Variants in SEL1L3 observed in about 807,000 individuals in gnomAD.
SEL1L3 encodes SEL1L family member 3.
A neutral mutation model predicts 142.8 loss-of-function variants in SEL1L3; 76 were observed. The ratio of observed to expected loss-of-function variants is 0.53; its 90% CI spans 0.44 to 0.64. The LOEUF (loss-of-function observed/expected upper bound fraction) is 0.64, where lower values mean the gene tolerates loss of function less well. Among genes scored for constraint, SEL1L3 ranks in the 30% least tolerant of loss-of-function variants. The pLI, the probability that SEL1L3 is intolerant of heterozygous loss-of-function variation, is 0.00. For synonymous variants in SEL1L3, 504 were observed against 519.6 expected (o/e 0.97, Z 0.41); for missense variants, 1,262 against 1,381.7 (o/e 0.91, Z 1.37).
At chr4:25,726,025 G>A in the SEL1L3 span, among the ~76,000 whole-genome samples, 16 of 152,030 alleles carry the variant, frequency 1.1e-4, no homozygotes, top group African/African-American at 2.4e-4. Context: ...AACATCCTAC[G>A]GATGCAGCCC....
intron 15 of SEL1L3, among the ~76,000 whole-genome samples, chr4:25,781,204 T>C (rs561873954): frequency 6.6e-6 from 1 of 152,216 alleles, no homozygotes; most frequent in African/African-American, 2.4e-5. Context: ...TCCTATTATA[T>C]ATTTATTTGT....
the SEL1L3 span, among the ~76,000 whole-genome samples, chr4:25,716,094 G>A: frequency 2.6e-5 from 4 of 152,054 alleles, no homozygotes; most frequent in African/African-American, 9.7e-5. Flanking sequence ...GGTATCATAA[G>A]AGGTTAAAAG....
Position 25,756,960 on chromosome 4 carries a change from C to T in SEL1L3, c.3259+574G>A, listed in dbSNP as rs551004369. The T allele has an allele frequency of 1.3e-4, 163 of 1,227,156 alleles. No individual in the cohort carries two copies. In the African/African-American group the frequency reaches 2.3e-3, roughly 17 times the overall value. 76.0% of individuals were successfully genotyped at this position (1,227,156 alleles called of 1,614,324 possible). The stretch of plus-strand genomic sequence containing the variant: ...AATTGTATTAGGTCAGTTTCTTAGG[C>T]TTTTTAAAGAAAGTCCTTATTTTGA... On this transcript the variant is annotated intron_variant, in intron 23 of 23. Transcript: ENST00000399878.
intron 6 of SEL1L3, among the ~76,000 whole-genome samples, 158 bp from the exon 7 acceptor site, chr4:25,822,286 C>T (rs955661621): frequency 1.3e-4 from 20 of 152,152 alleles, no homozygotes; most frequent in African/African-American, 4.6e-4. Context: ...AGGTGGACTT[C>T]GGCTAGGATC....
intron 12 of SEL1L3, among the ~76,000 whole-genome samples, chr4:25,789,882 G>A (rs986074086): frequency 6.6e-6 from 1 of 152,116 alleles, no homozygotes; most frequent in African/African-American, 2.4e-5. Flanking sequence ...GCCCTTTCTC[G>A]TACCTCTTAA....
At position 25,757,669 on chromosome 4, in the gene SEL1L3, G is replaced by A. The variant is rs780160589; in HGVS notation, c.3186+19C>T. On this transcript the variant is annotated intron_variant, in intron 22 of 23. Transcript: ENST00000399878. ...GGGCAGGGGCCACAAGGGTGGGGCCGGTGGGACATGAAACCTACCAGGGCT... is the reference window on the plus strand; with the variant it reads ...GGGCAGGGGCCACAAGGGTGGGGCCAGTGGGACATGAAACCTACCAGGGCT... 24 of 1,571,544 alleles carry A rather than the reference G, an allele frequency of 1.5e-5. No individual in the cohort carries two copies. Among genetic ancestry groups the A allele is most frequent in the East Asian group, 9.4e-5 (4 of 42,556 alleles).
intron 17 of SEL1L3, chr4:25,773,463 A>T (rs1348970724): frequency 6.6e-6 from 1 of 152,130 alleles, no homozygotes; most frequent in Non-Finnish European, 1.5e-5. Context: ...CATATCAATG[A>T]TTACATGATA....
chr4:25,761,008 A>G (rs1404725807), intron 20 of SEL1L3, among the ~76,000 whole-genome samples: 3 of 152,152 alleles, frequency 2.0e-5, no homozygotes, highest in African/African-American at 4.8e-5. Flanking sequence ...AGAGTCTCAA[A>G]TCTTAAACTC....
intron 13 of SEL1L3, among the ~76,000 whole-genome samples, chr4:25,787,919 T>C (rs961027973): frequency 6.6e-6 from 1 of 152,234 alleles, no homozygotes; most frequent in Non-Finnish European, 1.5e-5. Flanking sequence ...AAACTTGCAG[T>C]GCCTGTGGGG....
At chr4:25,749,682 C>G (rs1011975298) in intron 23 of SEL1L3, among the ~76,000 whole-genome samples, 1 of 152,136 alleles carries the variant, frequency 6.6e-6, no homozygotes, top group African/African-American at 2.4e-5. Flanking sequence ...AGAGTATATT[C>G]CAGAGCCAAA....
At chr4:25,815,076 G>A (rs902605090) in intron 9 of SEL1L3, among the ~76,000 whole-genome samples, 6 of 152,180 alleles carry the variant, frequency 3.9e-5, no homozygotes, top group African/African-American at 1.4e-4. Flanking sequence ...CCTAGGCCAG[G>A]GAAAGGCAGG....
chr4:25,784,264 C>T lies in SEL1L3; in HGVS notation c.2244G>A (p.Arg748=). 1 of 1,613,696 alleles carries T rather than the reference C, an allele frequency of 6.2e-7. No individual in the cohort carries two copies. The highest frequency in any genetic ancestry group is 1.1e-5 in the South Asian group (1 of 91,070). Residue 748 remains arginine, a synonymous_variant, in exon 14 of 24, where the codon CGG becomes CGA. Transcript: ENST00000399878. ...CTTTCTTCATCAGCTCTAAGGCAAG[C>T]CGTCTGTTCTTTTTTACTCCTTGAC... ...FKGQGVKKNR[R]LALELMKKAA... is the part of the protein sequence containing the mutation.
chr4:25,808,803 C>T (rs971410816), intron 9 of SEL1L3, among the ~76,000 whole-genome samples: 11 of 152,264 alleles, frequency 7.2e-5, no homozygotes, highest in African/African-American at 1.9e-4. Flanking sequence ...TGTGCAGTGG[C>T]GCACGCCTGT....
intron 2 of SEL1L3, among the ~76,000 whole-genome samples, chr4:25,836,030 A>T (rs1005970366): frequency 6.6e-6 from 1 of 152,220 alleles, no homozygotes; most frequent in African/African-American, 2.4e-5. Context: ...TGGTTTCAGA[A>T]TCCATACTCT....
intron 2 of SEL1L3, among the ~76,000 whole-genome samples, chr4:25,845,981 C>G (rs1160346945): frequency 6.6e-6 from 1 of 152,170 alleles, no homozygotes; most frequent in Non-Finnish European, 1.5e-5. Flanking sequence ...TCCCCCACCC[C>G]CGCAGATCCT....
the SEL1L3 span, among the ~76,000 whole-genome samples, chr4:25,734,709 C>T: frequency 1.3e-5 from 2 of 151,986 alleles, no homozygotes; most frequent in Admixed American, 1.3e-4. Flanking sequence ...GCTGGGATTA[C>T]AGGCGCCCAC....
intron 6 of SEL1L3, among the ~76,000 whole-genome samples, chr4:25,822,973 T>TA (rs757090712): frequency 3.3e-5 from 5 of 151,976 alleles, no homozygotes; most frequent in Non-Finnish European, 4.4e-5. Flanking sequence ...TAGTGTTAAG[T>TA]AAAAAAAATA....
chr4:25,770,646 A>T (rs1719095749), intron 17 of SEL1L3: 1 of 150,538 alleles, frequency 6.6e-6, no homozygotes, highest in Admixed American at 6.7e-5. Flanking sequence ...AGGCTGAGGC[A>T]GGAGAATCAT....
chr4:25,845,354 G>A (rs765187400), intron 2 of SEL1L3, among the ~76,000 whole-genome samples: 1 of 152,126 alleles, frequency 6.6e-6, no homozygotes, highest in South Asian at 2.1e-4. Flanking sequence ...AAATAAACTG[G>A]GTGTGGTGGT....
Sources: gnomAD v4.1 joint callset for allele counts (sites outside exome capture counted in the v4.1 genomes callset) on GRCh38, gnomAD v4.1.1 for gene constraint, MANE v1.5 for transcripts, NCBI Gene and HGNC (gene_info 2026-07-23, HGNC 2026-07-21) for gene names.